The following ADCY5 variants were observed in gnomAD, a reference collection of about 807,000 sequenced individuals.
ADCY5 encodes the protein adenylate cyclase 5, also known as adenylate cyclase type 5.
ADCY5 carries 30 observed loss-of-function variants against 119.7 expected under a neutral mutation model. The observed-to-expected ratio is 0.25, with a 90% CI of 0.19 to 0.34. The LOEUF (loss-of-function observed/expected upper bound fraction) is 0.34. ADCY5 is among the 10% of genes least tolerant of loss of function. The pLI is 1.00. For missense variants in ADCY5, 1,324 were observed against 1,775.2 expected (o/e 0.75, Z 4.57); for synonymous variants, 753 against 762.2 (o/e 0.99, Z 0.20).
chr3:123,338,119 C>T (rs939002864), intron 3 of ADCY5, among the ~76,000 whole-genome samples: 4 of 145,294 alleles, frequency 2.8e-5, no homozygotes, highest in East Asian at 1.9e-4. Context: ...AGGAGCTCCA[C>T]GTGCCTTTGA....
chr3:123,411,979 T>C (rs562677895), intron 1 of ADCY5, among the ~76,000 whole-genome samples: 1 of 152,146 alleles, frequency 6.6e-6, no homozygotes, highest in Non-Finnish European at 1.5e-5. Flanking sequence ...CTTTGGAACA[T>C]GCCCTCTCCC....
rs142571377 is a variant in ADCY5 at position 123,311,457 on chromosome 3, T to C, written c.2442+2778A>G. Among the ~76,000 whole-genome samples, 474 of 152,294 alleles carry C rather than the reference T, an allele frequency of 3.1e-3. 1 individual carries two copies. Among genetic ancestry groups the C allele is most frequent in the Non-Finnish European group, 4.9e-3 (333 of 68,024 alleles). On this transcript the variant is annotated intron_variant, in intron 12 of 20. Coordinates refer to ENST00000462833, the MANE Select transcript of ADCY5 (RefSeq NM_183357.3). ...GCAGGAGGTAGAGCCAGGGAGACGC[T>C]CCTTTCATGTCTTCACGTGCAAGCT...
chr3:123,361,151 C>CTGT (rs1943231121), intron 1 of ADCY5, among the ~76,000 whole-genome samples: 8 of 152,124 alleles, frequency 5.3e-5, no homozygotes, highest in African/African-American at 9.7e-5. Flanking sequence ...CTTCATAGAT[C>CTGT]CTGGTCACAT....
At chr3:123,333,040 C>G (rs1383620783) in intron 3 of ADCY5, among the ~76,000 whole-genome samples, 4 of 151,902 alleles carry the variant, frequency 2.6e-5, no homozygotes, top group Non-Finnish European at 5.9e-5. Context: ...ATTACAGCCA[C>G]GAGCCACCAC....
At chr3:123,424,363 A>T (rs764561613) in intron 1 of ADCY5, among the ~76,000 whole-genome samples, 1 of 152,202 alleles carries the variant, frequency 6.6e-6, no homozygotes, top group Non-Finnish European at 1.5e-5. Flanking sequence ...CTCCTCTACA[A>T]GATGGGGGTT....
intron 1 of ADCY5, among the ~76,000 whole-genome samples, chr3:123,387,562 G>A (rs1198075141): frequency 6.6e-6 from 1 of 152,208 alleles, no homozygotes; most frequent in Non-Finnish European, 1.5e-5. Flanking sequence ...CAAGGCCGCA[G>A]AGAAGCTCAT....
At chr3:123,375,911 C>A (rs62265764) in intron 1 of ADCY5, among the ~76,000 whole-genome samples, 27,061 of 151,932 alleles carry the variant, frequency 0.18, 2,764 homozygotes, top group Middle Eastern at 0.25. Flanking sequence ...AGGAAGGCAG[C>A]CCACAGTCCC....
chr3:123,406,932 A>C (rs62262427), intron 1 of ADCY5, among the ~76,000 whole-genome samples: 1 of 151,946 alleles, frequency 6.6e-6, no homozygotes, highest in African/African-American at 2.4e-5. Context: ...TCCTGCTCCT[A>C]TGGGAATCCA....
intron 11 of ADCY5, among the ~76,000 whole-genome samples, chr3:123,316,583 AT>A (rs1940921354): frequency 6.6e-6 from 1 of 152,254 alleles, no homozygotes; most frequent in Non-Finnish European, 1.5e-5. Flanking sequence ...TTATTTCAAC[AT>A]GAAAAACAGA....
chr3:123,365,116 T>C (rs894841420), intron 1 of ADCY5, among the ~76,000 whole-genome samples: 6 of 152,068 alleles, frequency 3.9e-5, no homozygotes, highest in African/African-American at 1.4e-4. Context: ...GTATTTTTAG[T>C]AGAGACGAGG....
chr3:123,374,552 C>G (rs1943753574), intron 1 of ADCY5, among the ~76,000 whole-genome samples: 1 of 152,224 alleles, frequency 6.6e-6, no homozygotes, highest in African/African-American at 2.4e-5. Context: ...AGTTAAGCAA[C>G]TCGCTCCAGG....
At chr3:123,443,087 G>A (rs964896668) in intron 1 of ADCY5, among the ~76,000 whole-genome samples, 2 of 152,204 alleles carry the variant, frequency 1.3e-5, no homozygotes, top group African/African-American at 2.4e-5. Context: ...TCTACCCAGC[G>A]TCTCACATGG....
intron 13 of ADCY5, among the ~76,000 whole-genome samples, chr3:123,303,789 C>T (rs1262315516): frequency 6.6e-6 from 1 of 151,702 alleles, no homozygotes; most frequent in South Asian, 2.1e-4. Context: ...GGCACCACTG[C>T]ACTCCAGCCT....
chr3:123,396,483 GAGAGGGAA>G (rs1314918306), intron 1 of ADCY5, among the ~76,000 whole-genome samples: 7 of 143,582 alleles, frequency 4.9e-5, no homozygotes, highest in African/African-American at 7.7e-5. Flanking sequence ...AAGAAAGAGA[GAGAGGGAA>G]AGAGGGAAAA....
intron 8 of ADCY5, among the ~76,000 whole-genome samples, chr3:123,323,193 C>T (rs1290354042): frequency 2.6e-5 from 4 of 152,214 alleles, no homozygotes; most frequent in South Asian, 4.1e-4. Flanking sequence ...TTCTTCCACA[C>T]TCCTTCCCCT....
chr3:123,407,282 T>C (rs958594743), intron 1 of ADCY5, among the ~76,000 whole-genome samples: 3 of 152,148 alleles, frequency 2.0e-5, no homozygotes, highest in Non-Finnish European at 4.4e-5. Context: ...ATGCCCTCTC[T>C]TCTTAAACAT....
chr3:123,340,687 G>A lies in ADCY5; in HGVS notation c.1406+7095C>T, dbSNP rs547457708. Among the ~76,000 whole-genome samples, 5 of 152,292 alleles carry A rather than the reference G, an allele frequency of 3.3e-5. No homozygotes were observed. In the East Asian group the frequency reaches 5.8e-4, roughly 18 times the overall value. On this transcript the variant is annotated intron_variant, in intron 3 of 20. Coordinates refer to ENST00000462833, the MANE Select transcript of ADCY5 (RefSeq NM_183357.3). ...GAACACAATCCCAGGTAAGGATGTG[G>A]AGGAATTCGAACCCTTGTGCACTGC...
At chr3:123,373,769 C>CG (rs1428537059) in intron 1 of ADCY5, among the ~76,000 whole-genome samples, 6 of 38,810 alleles carry the variant, frequency 1.5e-4, no homozygotes, top group Non-Finnish European at 2.8e-4. Context: ...CCCCCCCCCC[C>CG]CCGACCCCCC....
At chr3:123,416,558 C>T (rs1255460268) in intron 1 of ADCY5, among the ~76,000 whole-genome samples, 1 of 152,218 alleles carries the variant, frequency 6.6e-6, no homozygotes, top group Admixed American at 6.5e-5. Context: ...GGCTTTCATG[C>T]TGGGGACAAG....
Sources: allele counts gnomAD v4.1 joint callset (sites outside exome capture counted in the v4.1 genomes callset), GRCh38; gene constraint gnomAD v4.1.1; transcripts MANE v1.5; gene names NCBI Gene and HGNC (gene_info 2026-07-23, HGNC 2026-07-21).